The following RS1 variants were observed in gnomAD, a reference collection of about 807,000 sequenced individuals.
The protein encoded by RS1 is retinoschisin 1, also known as retinoschisin.
In RS1, 2 loss-of-function variants were observed where a neutral mutation model predicts 20.8. That is an observed-to-expected ratio of 0.10 (90% confidence interval 0.04 to 0.30). RS1 has a LOEUF of 0.30. Among genes scored for constraint, RS1 ranks in the 10% least tolerant of loss-of-function variants. The probability of loss-of-function intolerance (pLI) is 1.00; values close to 1 mark genes in which losing one functional copy is unlikely to be tolerated. For synonymous variants in RS1, 70 were observed against 75.8 expected (o/e 0.92, Z 0.40); for missense variants, 151 against 189.8 (o/e 0.80, Z 1.20).
chrX:18,659,036 G>A (rs1928268648), intron 1 of RS1, among the ~76,000 whole-genome samples: 1 of 111,473 alleles, frequency 9.0e-6, no homozygotes, highest in African/African-American at 3.3e-5. Flanking sequence ...TGACATATAA[G>A]CTCTCTTTAT....
chrX:18,669,288 C>G (rs1032864451), intron 1 of RS1, among the ~76,000 whole-genome samples: 1 of 109,151 alleles, frequency 9.2e-6, no homozygotes, highest in African/African-American at 3.3e-5. Context: ...GTCGGGAGTT[C>G]GAGACCAGCC....
chrX:18,643,911 A>G (rs1400668131), intron 5 of RS1, among the ~76,000 whole-genome samples: 1 of 111,320 alleles, frequency 9.0e-6, no homozygotes, highest in Non-Finnish European at 1.9e-5. Context: ...CACAAAGATT[A>G]ATAGGATGTA....
chrX:18,641,858 A>T lies in RS1; in HGVS notation c.*146T>A, dbSNP rs1602308545. 2.8e-5 allele frequency: 5 copies of T among 178,929 alleles called. No homozygotes were observed. Among genetic ancestry groups the T allele is most frequent in the Non-Finnish European group, 4.6e-5 (5 of 108,319 alleles). The allele number at this position is 178,929 out of a possible 1,213,427, so 14.7% of individuals were successfully genotyped here. A position where few individuals can be genotyped will look rare whatever the true frequency, so the allele number is the denominator to read the frequency against. Reference sequence around the variant, plus strand: ...CATTGAAATCAGAAAGCTATATCTTAAAAAAAAAAAAATTATCTACCCAGC... The same window carrying T: ...CATTGAAATCAGAAAGCTATATCTTTAAAAAAAAAAAATTATCTACCCAGC... On this transcript the variant is annotated 3_prime_UTR_variant, in exon 6 of 6. Coordinates refer to ENST00000379984, the MANE Select transcript of RS1 (RefSeq NM_000330.4).
intron 3 of RS1, among the ~76,000 whole-genome samples, chrX:18,653,828 C>T (rs949390311): frequency 6.4e-5 from 7 of 109,561 alleles, no homozygotes; most frequent in South Asian, 8.0e-4. Context: ...ATTAGCTGGG[C>T]GTGGTGGTGT....
intron 3 of RS1, among the ~76,000 whole-genome samples, chrX:18,649,803 C>T (rs1225792128): frequency 1.8e-5 from 2 of 112,041 alleles, no homozygotes; most frequent in East Asian, 2.8e-4. Context: ...GAGGGCTCCT[C>T]CCCCACCCGC....
chrX:18,671,957 G>A lies in RS1; in HGVS notation c.52+60C>T, dbSNP rs189210045. 6.4e-4 allele frequency: 606 copies of A among 950,406 alleles called. 1 individual carries two copies. Among genetic ancestry groups the A allele is most frequent in the African/African-American group, 5.6e-3 (293 of 52,099 alleles). 78.3% of individuals were successfully genotyped at this position (950,406 alleles called of 1,213,427 possible). ...TCAGGCTATATTCCTATTTATCAAC[G>A]ATATTAATTAAATTATGTATTAAGT... On this transcript the variant is annotated intron_variant, in intron 1 of 5. Coordinates refer to ENST00000379984, the MANE Select transcript of RS1 (RefSeq NM_000330.4).
At chrX:18,663,774 C>T (rs1205004904) in intron 1 of RS1, among the ~76,000 whole-genome samples, 2 of 111,871 alleles carry the variant, frequency 1.8e-5, no homozygotes, top group Non-Finnish European at 3.8e-5. Context: ...TCTCAGTCTC[C>T]TTTGAGAGCT....
intron 1 of RS1, among the ~76,000 whole-genome samples, chrX:18,661,792 C>T (rs1169885619): frequency 1.8e-5 from 2 of 112,396 alleles, no homozygotes; most frequent in East Asian, 2.8e-4. Flanking sequence ...CTCCTCTCAA[C>T]GCCTTCTGCA....
chrX:18,653,985 A>T (rs1928160033), intron 3 of RS1, among the ~76,000 whole-genome samples: 1 of 110,753 alleles, frequency 9.0e-6, no homozygotes, highest in South Asian at 3.8e-4. Context: ...AAATAAAAAA[A>T]TAAAAAAAGA....
intron 3 of RS1, among the ~76,000 whole-genome samples, chrX:18,647,892 T>TG (rs760592635): frequency 3.1e-5 from 3 of 96,080 alleles, no homozygotes; most frequent in Admixed American, 2.1e-4. Context: ...ACCAGTCTAA[T>TG]GAAAAAAAAA....
intron 1 of RS1, among the ~76,000 whole-genome samples, chrX:18,666,681 G>A (rs1194459594): frequency 1.8e-5 from 2 of 111,525 alleles, no homozygotes; most frequent in South Asian, 7.5e-4. Flanking sequence ...ATCCGAGGGA[G>A]AGAAGATGCT....
At chrX:18,655,208 T>A (rs755572445) in intron 3 of RS1, among the ~76,000 whole-genome samples, 1 of 112,240 alleles carries the variant, frequency 8.9e-6, no homozygotes, top group Non-Finnish European at 1.9e-5. Flanking sequence ...CTTTAATGCC[T>A]CATCTTATTT....
At chrX:18,669,153 T>C (rs1928449471) in intron 1 of RS1, among the ~76,000 whole-genome samples, 1 of 110,937 alleles carries the variant, frequency 9.0e-6, no homozygotes, top group African/African-American at 3.3e-5. Context: ...TGGCATTGAA[T>C]CCAATATGTG....
chrX:18,646,758 C>T (rs762394152), intron 4 of RS1, among the ~76,000 whole-genome samples: 11 of 111,365 alleles, frequency 9.9e-5, no homozygotes, highest in South Asian at 3.8e-4. Flanking sequence ...CTGTACCCCA[C>T]GCCTCTTCCC....
At chrX:18,647,423 T>G in intron 3 of RS1, 91 bp from the exon 4 acceptor site, 1 of 1,014,763 alleles carries the variant, frequency 9.9e-7, no homozygotes. Flanking sequence ...CCATCTGCTT[T>G]GCGCTTCGGA....
At chrX:18,653,672 A>C in intron 3 of RS1, 1 of 976,997 alleles carries the variant, frequency 1.0e-6, no homozygotes, top group South Asian at 2.1e-5. Context: ...CTGTGTTGTT[A>C]AGATCAAAAA....
At position 18,642,070 on chromosome X, in the gene RS1, C is replaced by G; in HGVS notation, c.609G>C (p.Pro203=). The G allele has an allele frequency of 8.3e-7, 1 of 1,210,886 alleles. No individual in the cohort carries two copies. ...TGGCAATGCGGACGTGCCAGCCCAGCGGGATGAGGCGGATGAAGCGGGAGA... is the reference window on the plus strand; with the variant it reads ...TGGCAATGCGGACGTGCCAGCCCAGGGGGATGAGGCGGATGAAGCGGGAGA... ...PIISRFIRLI[P]LGWHVRIAIR... Residue 203 remains proline (P), a synonymous_variant, in exon 6 of 6, where the codon CCG becomes CCC. Transcript: ENST00000379984.
At chrX:18,653,398 C>T (rs1383182319) in intron 3 of RS1, 29 of 1,203,892 alleles carry the variant, frequency 2.4e-5, no homozygotes, top group Non-Finnish European at 3.2e-5. Flanking sequence ...CCTGGCAGCT[C>T]TGAGTGACCC....
Position 18,667,660 on chromosome X carries a change from C to T in RS1, c.52+4357G>A, listed in dbSNP as rs138420856. On this transcript the variant is annotated intron_variant, in intron 1 of 5. Transcript: ENST00000379984. ...AACCAAATCCACTTGGCTCAAAGGC[C>T]ATGTATGTCACTGAAGAGAGTCTGG... Among the ~76,000 whole-genome samples the T allele has an allele frequency of 6.6e-3, 737 of 111,248 alleles. 9 individuals carry two copies. The highest frequency in any genetic ancestry group is 0.023 in the African/African-American group (714 of 30,622).
Sources: gnomAD v4.1 joint callset for allele counts (sites outside exome capture counted in the v4.1 genomes callset) on GRCh38, gnomAD v4.1.1 for gene constraint, MANE v1.5 for transcripts, NCBI Gene and HGNC (gene_info 2026-07-23, HGNC 2026-07-21) for gene names.